Variants in AKNA observed in about 807,000 individuals in gnomAD.
AKNA encodes AT-hook transcription factor, also known as microtubule organization protein AKNA.
A neutral mutation model predicts 138.8 loss-of-function variants in AKNA; 67 were observed. The observed-to-expected ratio is 0.48, with a 90% confidence interval of 0.40 to 0.59. The LOEUF is 0.59. Among genes scored for constraint, AKNA ranks in the 20% least tolerant of loss-of-function variants. The pLI, the probability that AKNA is intolerant of heterozygous loss-of-function variation, is 0.00. For synonymous variants in AKNA, 737 were observed against 754.4 expected (o/e 0.98, Z 0.38); for missense variants, 1,813 against 1,880.4 (o/e 0.96, Z 0.66).
At chr9:114,389,899 C>T (rs918029197), upstream of AKNA, among the ~76,000 whole-genome samples, 3 of 152,116 alleles carry the variant, frequency 2.0e-5, no homozygotes, top group African/African-American at 7.2e-5. Flanking sequence ...CCCTTTCCTG[C>T]CTTTTACCCA....
chr9:114,396,407 G>T (rs766856335), upstream of AKNA, among the ~76,000 whole-genome samples: 1 of 152,116 alleles, frequency 6.6e-6, no homozygotes. Flanking sequence ...GTAGATGGGC[G>T]CGGTGGCTCA....
chr9:114,372,601 C>T (rs992649137), intron 4 of AKNA, among the ~76,000 whole-genome samples: 5 of 152,322 alleles, frequency 3.3e-5, no homozygotes, highest in Non-Finnish European at 5.9e-5. Flanking sequence ...CTCCAGCCCC[C>T]GCCACTCCAT....
downstream of AKNA, chr9:114,331,835 CAG>C (rs1271261408): frequency 1.2e-6 from 2 of 1,613,640 alleles, no homozygotes; most frequent in Non-Finnish European, 1.7e-6. Context: ...GCTGACAAGC[CAG>C]AGACGACCAA....
At chr9:114,346,196 C>G (rs902490) in intron 17 of AKNA, among the ~76,000 whole-genome samples, 187 bp from the exon 18 acceptor site, 14,011 of 152,178 alleles carry the variant, frequency 0.092, 1,973 homozygotes, top group African/African-American at 0.3. Flanking sequence ...TCTAGACGCT[C>G]TGTGTGTGCC....
chr9:114,337,352 G>A (rs1830064556), intron 21 of AKNA, 46 bp from the exon 22 acceptor site: 2 of 1,391,184 alleles, frequency 1.4e-6, no homozygotes, highest in Non-Finnish European at 1.9e-6. Context: ...GGAGGGCTGG[G>A]GACAAGCCGA....
chr9:114,361,868 C>A lies in AKNA; in HGVS notation c.1960G>T (p.Glu654Ter), dbSNP rs768382743. 1.2e-6 allele frequency: 2 copies of A among 1,608,630 alleles called. No individual in the cohort carries two copies. The highest frequency in any genetic ancestry group is 1.7e-6 in the Non-Finnish European group (2 of 1,179,984). Residue 654 changes from glutamate to a stop codon, truncating the protein, a stop_gained, in exon 9 of 22, where the codon GAG becomes TAG. Coordinates refer to ENST00000374088, the MANE Select transcript of AKNA (RefSeq NM_001317950.2). LOFTEE classifies it high-confidence loss of function. ...GTCTGGTCTATGTGTTCCTTCAGCT[C>A]TTCCAGGCAGCTTCCCAGACGGTAT... Reference protein sequence around the residue: ...EIYRLGSCLEELKEHIDQTQQ... With the variant: ...EIYRLGSCLE
chr9:114,394,801 G>C (rs1460323599), upstream of AKNA, among the ~76,000 whole-genome samples: 1 of 152,230 alleles, frequency 6.6e-6, no homozygotes, highest in Non-Finnish European at 1.5e-5. Context: ...AATCCTTAGT[G>C]GGGGACTGAG....
chr9:114,358,271 T>C (rs1588974915), intron 11 of AKNA, 104 bp from the exon 12 acceptor site: 4 of 1,501,408 alleles, frequency 2.7e-6, no homozygotes, highest in South Asian at 2.4e-5. Flanking sequence ...AGCTCTGGAG[T>C]CAGACATCCC....
At chr9:114,382,783 C>A (rs1833783064) in intron 1 of AKNA, among the ~76,000 whole-genome samples, 1 of 152,014 alleles carries the variant, frequency 6.6e-6, no homozygotes, top group Non-Finnish European at 1.5e-5. Context: ...AAGGTAACTC[C>A]TTGGAGAGTG....
At chr9:114,372,179 T>TG (rs1183559658) in intron 4 of AKNA, among the ~76,000 whole-genome samples, 1 of 152,016 alleles carries the variant, frequency 6.6e-6, no homozygotes, top group Non-Finnish European at 1.5e-5. Flanking sequence ...AGAGAGGGGT[T>TG]GGGGGAGGGA....
rs1304399496 is a variant in AKNA at position 114,335,142 on chromosome 9, G to C, written c.*1912C>G. 6.6e-6 allele frequency: 1 copy of C among 152,338 alleles called. No individual in the cohort carries two copies. The highest frequency in any genetic ancestry group is 1.5e-5 in the Non-Finnish European group (1 of 68,102). 9.4% of individuals were successfully genotyped at this position (152,338 alleles called of 1,614,324 possible). On this transcript the variant is annotated 3_prime_UTR_variant, in exon 22 of 22. Transcript: ENST00000374088. ...GGGCAGAGCAGGGAGAAGCAAGGGA[G>C]ACGAGAAGTGGGGAACATGGAAGAA...
At chr9:114,357,272 G>A (rs779931690) in intron 12 of AKNA, among the ~76,000 whole-genome samples, 1 of 152,236 alleles carries the variant, frequency 6.6e-6, no homozygotes, top group African/African-American at 2.4e-5. Flanking sequence ...CAAGGGGAGA[G>A]GGAGAAAGCC....
intron 3 of AKNA, among the ~76,000 whole-genome samples, chr9:114,375,106 C>T (rs765959474): frequency 1.8e-4 from 27 of 152,216 alleles, no homozygotes; most frequent in Non-Finnish European, 3.5e-4. Flanking sequence ...AAACTCCCCA[C>T]GCCCGTGGAG....
chr9:114,387,321 G>A (rs549975084), intron 1 of AKNA, among the ~76,000 whole-genome samples: 2 of 152,304 alleles, frequency 1.3e-5, no homozygotes, highest in South Asian at 2.1e-4. Flanking sequence ...AGCAGAGGCC[G>A]AGGAGAAAGA....
At chr9:114,378,155 T>G (rs975730662) in intron 2 of AKNA, among the ~76,000 whole-genome samples, 2 of 151,710 alleles carry the variant, frequency 1.3e-5, no homozygotes, top group Non-Finnish European at 2.9e-5. Flanking sequence ...CCCCTCAAGC[T>G]CCCCCTGCTC....
intron 14 of AKNA, among the ~76,000 whole-genome samples, chr9:114,351,703 C>A (rs966273508): frequency 1.3e-5 from 2 of 151,614 alleles, no homozygotes; most frequent in African/African-American, 4.8e-5. Context: ...TGGAAGTATG[C>A]CCCTTTGGTC....
Position 114,343,705 on chromosome 9 carries a change from T to C in AKNA, c.3757+3A>G. The C allele has an allele frequency of 6.2e-7, 1 of 1,614,158 alleles. No homozygotes were observed. Among genetic ancestry groups the C allele is most frequent in the Non-Finnish European group, 8.5e-7 (1 of 1,179,976 alleles). Reference sequence around the variant, plus strand: ...GGCCAGTTTTCCAGGTGCCATTCCTTACCCGCATCCTGGGTCCTAATGGGC... The same window carrying C: ...GGCCAGTTTTCCAGGTGCCATTCCTCACCCGCATCCTGGGTCCTAATGGGC... On this transcript the variant is annotated splice_donor_region_variant and intron_variant, in intron 19 of 21. Coordinates refer to ENST00000374088, the MANE Select transcript of AKNA (RefSeq NM_001317950.2).
upstream of AKNA, among the ~76,000 whole-genome samples, chr9:114,390,763 G>C (rs1834303746): frequency 6.6e-6 from 1 of 152,168 alleles, no homozygotes; most frequent in African/African-American, 2.4e-5. Context: ...TGCCATACAG[G>C]CCTCCTTGCT....
intron 6 of AKNA, among the ~76,000 whole-genome samples, chr9:114,365,465 CAA>C (rs1374744869): frequency 6.6e-6 from 1 of 151,818 alleles, no homozygotes; most frequent in East Asian, 1.9e-4. Flanking sequence ...ATTACCTGCT[CAA>C]AAAAGTTTAA....
Sources: gnomAD v4.1 joint callset for allele counts (sites outside exome capture counted in the v4.1 genomes callset) on GRCh38, gnomAD v4.1.1 for gene constraint, MANE v1.5 for transcripts, NCBI Gene and HGNC (gene_info 2026-07-23, HGNC 2026-07-21) for gene names.